The following UBE2F variants were observed in gnomAD, a reference collection of about 807,000 sequenced individuals.
UBE2F encodes ubiquitin conjugating enzyme E2 F (putative).
UBE2F carries 5 observed loss-of-function variants against 29.6 expected under a neutral mutation model. That is an observed-to-expected ratio of 0.17 (90% CI 0.09 to 0.36). UBE2F has a LOEUF of 0.36. Among genes scored for constraint, UBE2F ranks in the 10% least tolerant of loss-of-function variants. UBE2F has a pLI of 1.00. For missense variants in UBE2F, 141 were observed against 228.5 expected (o/e 0.62, Z 2.47); for synonymous variants, 66 against 81.8 (o/e 0.81, Z 1.04).
intron 2 of UBE2F, chr2:237,986,166 G>C (rs761841689): frequency 3.9e-5 from 15 of 381,694 alleles, no homozygotes; most frequent in South Asian, 9.7e-5. Context: ...TTTGAGACGG[G>C]GTCTCACTCT....
At chr2:237,997,273 T>A (rs78204346) in intron 4 of UBE2F, among the ~76,000 whole-genome samples, 4,059 of 152,226 alleles carry the variant, frequency 0.027, 173 homozygotes, top group African/African-American at 0.093. Flanking sequence ...TACCTGTAAA[T>A]ACTTAATGCC....
intron 7 of UBE2F, among the ~76,000 whole-genome samples, chr2:238,031,383 CAG>C (rs1306982687): frequency 2.0e-5 from 3 of 152,200 alleles, no homozygotes; most frequent in African/African-American, 7.2e-5. Flanking sequence ...GTCTCATGAA[CAG>C]TGCTGGCCTG....
intron 4 of UBE2F, among the ~76,000 whole-genome samples, chr2:238,006,759 CTT>C (rs60514924): frequency 0.66 from 81,733 of 124,662 alleles, 27,125 homozygotes; most frequent in East Asian, 0.88. Flanking sequence ...TTTCTTTTTT[CTT>C]TTTTTTTTTT....
At chr2:237,973,754 A>G in intron 2 of UBE2F, 1 of 1,225,642 alleles carries the variant, frequency 8.2e-7, no homozygotes, top group Non-Finnish European at 1.1e-6. Context: ...GTTGGTGAGG[A>G]GAAACTTTAT....
At chr2:238,002,945 T>C (rs905286569) in intron 4 of UBE2F, among the ~76,000 whole-genome samples, 6 of 152,206 alleles carry the variant, frequency 3.9e-5, no homozygotes, top group Non-Finnish European at 8.8e-5. Flanking sequence ...GCATGAATGT[T>C]TTGGAACAAC....
At chr2:237,998,543 C>T (rs368273233) in intron 4 of UBE2F, among the ~76,000 whole-genome samples, 16 of 150,590 alleles carry the variant, frequency 1.1e-4, no homozygotes, top group South Asian at 6.3e-4. Flanking sequence ...TAGTGATAGA[C>T]ATTTGAGTAG....
At chr2:238,022,502 C>T (rs1285256775) in intron 5 of UBE2F, among the ~76,000 whole-genome samples, 1 of 151,990 alleles carries the variant, frequency 6.6e-6, no homozygotes, top group Admixed American at 6.6e-5. Flanking sequence ...CGTCTTTAGT[C>T]GTTGTTCTAT....
intron 4 of UBE2F, among the ~76,000 whole-genome samples, chr2:237,997,837 G>A (rs1346733858): frequency 6.6e-6 from 1 of 152,108 alleles, no homozygotes; most frequent in African/African-American, 2.4e-5. Context: ...TTGGTGATGG[G>A]GAAAAGAAAG....
chr2:238,023,874 T>C (rs80029919), intron 5 of UBE2F, among the ~76,000 whole-genome samples: 3,330 of 152,262 alleles, frequency 0.022, 47 homozygotes, highest in Non-Finnish European at 0.034. Flanking sequence ...CTAGGGTTTA[T>C]GACCAGCAGA....
At position 237,967,059 on chromosome 2, in the gene UBE2F, C is replaced by T. The variant is rs1454692391; in HGVS notation, c.-90C>T. ...GAGCCGGTGCGGCTGTGAGGGGCCG[C>T]GTCTCGCAGCAGCCGCCCGGACCGG... On this transcript the variant is annotated 5_prime_UTR_variant, in exon 1 of 10. Coordinates refer to ENST00000272930, the MANE Select transcript of UBE2F (RefSeq NM_080678.3). The surrounding 1 kb of genome is among the most constrained non-coding windows in gnomAD (Gnocchi z 6.3). 14 of 1,318,502 alleles carry T rather than the reference C, an allele frequency of 1.1e-5. No homozygotes were observed. The highest frequency in any genetic ancestry group is 3.2e-5 in the East Asian group (1 of 31,264). The allele number at this position is 1,318,502 out of a possible 1,614,324, so 81.7% of individuals were successfully genotyped here. A position where few individuals can be genotyped will look rare whatever the true frequency, so the allele number is the denominator to read the frequency against.
At chr2:237,974,504 T>TTTTTTTTTG in intron 2 of UBE2F, among the ~76,000 whole-genome samples, 1 of 10,120 alleles carries the variant, frequency 9.9e-5, no homozygotes, top group Non-Finnish European at 2.2e-4. Context: ...TTTTGTGGTT[T>TTTTTTTTTG]TTTTTTTTTT....
chr2:238,014,604 G>T (rs1341738422), intron 4 of UBE2F, among the ~76,000 whole-genome samples: 10 of 152,204 alleles, frequency 6.6e-5, no homozygotes, highest in Admixed American at 6.5e-4. Flanking sequence ...CGACCAGGGT[G>T]TCTCGCATGG....
In UBE2F at chr2:238,035,972, T is replaced by C; in HGVS notation, c.507+32T>C. ...CAGTAACAGGCTTATTCTAGGTTGA[T>C]GTACTTGTCACGAACACGATTACTA... On this transcript the variant is annotated intron_variant, in intron 9 of 9. Coordinates refer to ENST00000272930, the MANE Select transcript of UBE2F (RefSeq NM_080678.3). The C allele has an allele frequency of 2.5e-6, 4 of 1,591,180 alleles. No homozygotes were observed. The South Asian group carries it at 3.3e-5, about 13-fold the overall frequency.
chr2:238,028,002 TCTC>T (rs1325623463), intron 6 of UBE2F, among the ~76,000 whole-genome samples: 2 of 152,200 alleles, frequency 1.3e-5, no homozygotes, highest in African/African-American at 4.8e-5. Context: ...AGTCAAAGCT[TCTC>T]CTAGAGTCCA....
intron 4 of UBE2F, among the ~76,000 whole-genome samples, chr2:238,009,386 T>C (rs2063969010): frequency 6.6e-6 from 1 of 152,256 alleles, no homozygotes; most frequent in Non-Finnish European, 1.5e-5. Context: ...TACTTCTACG[T>C]GTAAATTATA....
intron 4 of UBE2F, among the ~76,000 whole-genome samples, chr2:238,000,006 G>A (rs1325216854): frequency 6.6e-6 from 1 of 151,912 alleles, no homozygotes; most frequent in African/African-American, 2.4e-5. Flanking sequence ...TATATTTTTA[G>A]TAGAGACAGG....
chr2:238,037,622 T>C (rs1446659624), intron 9 of UBE2F, among the ~76,000 whole-genome samples: 4 of 152,194 alleles, frequency 2.6e-5, no homozygotes. Flanking sequence ...GAAGTTGCTT[T>C]TTTTTTTGAG....
chr2:237,967,106 C>T lies in UBE2F; in HGVS notation c.-43C>T. The stretch of plus-strand genomic sequence containing the variant: ...CCGGGCATGGTGTTGGGCGCCGGGC[C>T]CGCCTCGCCTGTCTCGGGGAGCCCA... On this transcript the variant is annotated 5_prime_UTR_variant, in exon 1 of 10. Transcript: ENST00000272930. This position sits in a 1 kb window ranked among gnomAD's most constrained non-coding sequence, Gnocchi z 6.3. 6 of 1,344,266 alleles carry T rather than the reference C, an allele frequency of 4.5e-6. No homozygotes were observed. Among genetic ancestry groups the T allele is most frequent in the Non-Finnish European group, 4.8e-6 (5 of 1,044,086 alleles). 83.3% of individuals were successfully genotyped at this position (1,344,266 alleles called of 1,614,324 possible).
intron 3 of UBE2F, chr2:237,990,514 C>A: frequency 2.6e-6 from 1 of 391,020 alleles, no homozygotes; most frequent in Admixed American, 3.2e-5. Context: ...GTGATCTTCC[C>A]ACCTCAGTCT....
Sources: allele counts gnomAD v4.1 joint callset (sites outside exome capture counted in the v4.1 genomes callset), GRCh38; gene constraint gnomAD v4.1.1; non-coding constraint Gnocchi (gnomAD v3.1); transcripts MANE v1.5; gene names NCBI Gene and HGNC (gene_info 2026-07-23, HGNC 2026-07-21).